Variants in PGPEP1L observed in about 807,000 individuals in gnomAD.
PGPEP1L encodes pyroglutamyl-peptidase I like.
Under a neutral mutation model 6.0 loss-of-function variants are expected in PGPEP1L, and 7 were observed. The observed-to-expected ratio is 1.17, with a 90% confidence interval of 0.66 to 2.19. The LOEUF (loss-of-function observed/expected upper bound fraction) is 2.19, where lower values mean the gene tolerates loss of function less well. Ranked by LOEUF, PGPEP1L falls within the 30% of genes most tolerant of loss-of-function variation. The pLI is 0.00. For missense variants in PGPEP1L, 209 were observed against 192.5 expected, an observed-to-expected ratio of 1.09 and a Z score of -0.51; for synonymous variants, 103 against 83.9, an observed-to-expected ratio of 1.23 and a Z score of -1.24.
At chr15:98,982,309 G>A (rs112818702) in intron 2 of PGPEP1L, among the ~76,000 whole-genome samples, 3,807 of 152,232 alleles carry the variant, frequency 0.025, 174 homozygotes, top group African/African-American at 0.084. Flanking sequence ...GAGAGCACAG[G>A]CTCTTTGCCA....
chr15:99,002,235 A>T (rs2017982627), intron 2 of PGPEP1L, among the ~76,000 whole-genome samples: 1 of 152,134 alleles, frequency 6.6e-6, no homozygotes, highest in African/African-American at 2.4e-5. Flanking sequence ...GTCTCAGGTG[A>T]TCTGCCCATC....
rs189703147 is a variant in PGPEP1L, at chr15:98,981,955, C to T, written c.-141-10797G>A. ...AAGTAGGGGGACCCACAGTAACATC[C>T]GGGAAAAATGTGGGGGTCATTCTGA... is the stretch of plus-strand genomic sequence containing the variant. On this transcript the variant is annotated intron_variant, in intron 2 of 4. Coordinates refer to ENST00000535714, the MANE Select transcript of PGPEP1L (RefSeq NM_001167902.2). Among the ~76,000 whole-genome samples, 80 of 152,270 alleles carry T rather than the reference C, an allele frequency of 5.3e-4. 1 individual carries two copies. The highest frequency in any genetic ancestry group is 1.0e-3 in the South Asian group (5 of 4,824).
At chr15:98,994,773 T>A (rs1272646171) in intron 2 of PGPEP1L, among the ~76,000 whole-genome samples, 1 of 152,190 alleles carries the variant, frequency 6.6e-6, no homozygotes, top group Non-Finnish European at 1.5e-5. Context: ...AGTAAACTCT[T>A]GGTGTTTGTT....
At chr15:98,976,984 G>A (rs1333658170) in intron 2 of PGPEP1L, among the ~76,000 whole-genome samples, 2 of 134,746 alleles carry the variant, frequency 1.5e-5, no homozygotes, top group African/African-American at 2.9e-5. Flanking sequence ...TAGGACCCTA[G>A]AGAGGTCAAG....
chr15:99,001,086 A>C (rs2593050), intron 2 of PGPEP1L: 1 of 384,874 alleles, frequency 2.6e-6, no homozygotes, highest in Non-Finnish European at 5.1e-6. Context: ...CTGAGCCAGC[A>C]AGACCATGAA....
At chr15:98,968,807 C>A in intron 4 of PGPEP1L, 110 bp from the exon 5 acceptor site, 1 of 957,486 alleles carries the variant, frequency 1.0e-6, no homozygotes, top group Non-Finnish European at 1.6e-6. Context: ...GGGAGCACTG[C>A]CACCCAAGGG....
At chr15:98,986,563 C>G (rs1271523795) in intron 2 of PGPEP1L, among the ~76,000 whole-genome samples, 1 of 152,228 alleles carries the variant, frequency 6.6e-6, no homozygotes, top group Non-Finnish European at 1.5e-5. Flanking sequence ...AAGTATAGCA[C>G]ATTCTTGAGT....
Position 98,992,451 on chromosome 15 carries a change from CACAA to C in PGPEP1L, c.-142+12974_-142+12977del, listed in dbSNP as rs781863742. 1.4e-4 allele frequency among the ~76,000 whole-genome samples: 21 copies of C among 152,164 alleles called. No homozygotes were observed. In the East Asian group the frequency reaches 2.7e-3, roughly 20 times the overall value. On this transcript the variant is annotated intron_variant, in intron 2 of 4. Coordinates refer to ENST00000535714, the MANE Select transcript of PGPEP1L (RefSeq NM_001167902.2). Reference sequence around the variant, plus strand: ...ACCACTGCTCAAGGAAATGAGAGGACACAAACAAATGGAAAAACATTGCATGCTC... The same window carrying C: ...ACCACTGCTCAAGGAAATGAGAGGACACAAATGGAAAAACATTGCATGCTC...
chr15:99,000,546 A>C (rs192086260), intron 2 of PGPEP1L, among the ~76,000 whole-genome samples: 321 of 152,270 alleles, frequency 2.1e-3, no homozygotes, highest in African/African-American at 7.4e-3. Context: ...TATCTAGCTC[A>C]AGGTTTGTAA....
At chr15:98,974,192 C>T (rs1368663638) in intron 2 of PGPEP1L, among the ~76,000 whole-genome samples, 1 of 151,910 alleles carries the variant, frequency 6.6e-6, no homozygotes, top group Non-Finnish European at 1.5e-5. Context: ...ACCAGGACAA[C>T]ATGGCACGAA....
chr15:98,978,726 A>ATATATT (rs1446348988), intron 2 of PGPEP1L, among the ~76,000 whole-genome samples: 36 of 85,230 alleles, frequency 4.2e-4, no homozygotes, highest in African/African-American at 1.6e-3. Context: ...ATATATATAT[A>ATATATT]TTTTTTTTTT....
intron 2 of PGPEP1L, among the ~76,000 whole-genome samples, chr15:98,986,852 T>A (rs1164816543): frequency 6.6e-6 from 1 of 152,020 alleles, no homozygotes; most frequent in Non-Finnish European, 1.5e-5. Context: ...ACATCAGGAA[T>A]GGATAAATAT....
In PGPEP1L at chr15:98,975,256, T is replaced by C. The variant is rs189251387; in HGVS notation, c.-141-4098A>G. 5.4e-4 allele frequency among the ~76,000 whole-genome samples: 82 copies of C among 152,210 alleles called. No individual in the cohort carries two copies. The Middle Eastern group carries it at 0.01, about 19-fold the overall frequency. ...AACATTACATATTTTCACTCATATA[T>C]GAAAGCTAAAAAAGTTGATGTCATG... On this transcript the variant is annotated intron_variant, in intron 2 of 4. Coordinates refer to ENST00000535714, the MANE Select transcript of PGPEP1L (RefSeq NM_001167902.2).
Position 98,982,851 on chromosome 15 carries a change from T to C in PGPEP1L, c.-141-11693A>G, listed in dbSNP as rs113623157. Among the ~76,000 whole-genome samples the C allele has an allele frequency of 7.0e-3, 1,069 of 151,964 alleles. 17 individuals carry two copies. Among genetic ancestry groups the C allele is most frequent in the African/African-American group, 0.023 (948 of 41,460 alleles). On this transcript the variant is annotated intron_variant, in intron 2 of 4. Transcript: ENST00000535714. ...TTAGCCTCCTGAGTAGCTGGGATTA[T>C]AGGCACCAGCCACCACGCCCAGCTG... is the stretch of plus-strand genomic sequence containing the variant.
chr15:98,973,249 C>T (rs1160428545), intron 2 of PGPEP1L, among the ~76,000 whole-genome samples: 2 of 152,156 alleles, frequency 1.3e-5, no homozygotes, highest in Non-Finnish European at 2.9e-5. Context: ...AGATTAACTG[C>T]AACCAATAAT....
chr15:98,981,169 A>C (rs1363640240), intron 2 of PGPEP1L, among the ~76,000 whole-genome samples: 1 of 151,740 alleles, frequency 6.6e-6, no homozygotes, highest in Non-Finnish European at 1.5e-5. Flanking sequence ...TCCTGGCCAG[A>C]CTCTTCAAAA....
chr15:98,983,828 C>T (rs1291419405), intron 2 of PGPEP1L, among the ~76,000 whole-genome samples: 2 of 152,086 alleles, frequency 1.3e-5, no homozygotes, highest in African/African-American at 4.8e-5. Context: ...TATTTTTCTT[C>T]TTTTCAAAAT....
At chr15:98,997,428 G>A (rs2017903187) in intron 2 of PGPEP1L, among the ~76,000 whole-genome samples, 1 of 152,156 alleles carries the variant, frequency 6.6e-6, no homozygotes, top group African/African-American at 2.4e-5. Flanking sequence ...TCCAACGGAG[G>A]CATGAAATTG....
rs1490531678 is a variant in PGPEP1L at position 99,007,604 on chromosome 15, G to C, written c.-615C>G. On this transcript the variant is annotated 5_prime_UTR_variant, in exon 1 of 5. Transcript: ENST00000535714. ...TACGGCTCTTAAGGTGGCGTGTTTG[G>C]AGTTATTCGTTTCTCCCGGTGGGTC... 2.6e-5 allele frequency: 4 copies of C among 152,146 alleles called. No homozygotes were observed. The East Asian group carries it at 7.9e-4, about 30-fold the overall frequency. The allele number at this position is 152,146 out of a possible 1,614,324, so 9.4% of individuals were successfully genotyped here. A position where few individuals can be genotyped will look rare whatever the true frequency, so the allele number is the denominator to read the frequency against.
Sources: allele counts gnomAD v4.1 joint callset (sites outside exome capture counted in the v4.1 genomes callset), GRCh38; gene constraint gnomAD v4.1.1; transcripts MANE v1.5; gene names NCBI Gene and HGNC (gene_info 2026-07-23, HGNC 2026-07-21).